Variants in ARHGAP45 observed in about 807,000 individuals in gnomAD.
The protein encoded by ARHGAP45 is Rho GTPase activating protein 45, also known as rho GTPase-activating protein 45.
Under a neutral mutation model 116.1 loss-of-function variants are expected in ARHGAP45, and 56 were observed. The observed-to-expected ratio is 0.48, with a 90% CI of 0.39 to 0.60. The LOEUF is 0.60. ARHGAP45 is among the 20% of genes least tolerant of loss of function. The pLI is 0.00. For missense variants in ARHGAP45, 1,622 were observed against 1,601.0 expected (o/e 1.01, Z -0.22); for synonymous variants, 866 against 701.7 (o/e 1.23, Z -3.70).
intron 19 of ARHGAP45, chr19:1,082,584 T>G (rs2043472072): frequency 2.0e-6 from 1 of 503,092 alleles, no homozygotes; most frequent in Admixed American, 3.9e-5. Flanking sequence ...GAGCCGGAGC[T>G]CGTTAGGGTA....
Position 1,083,079 on chromosome 19 carries a change from A to G in ARHGAP45, c.2744+13A>G, listed in dbSNP as rs751506691. On this transcript the variant is annotated intron_variant, in intron 20 of 22. Coordinates refer to ENST00000313093, the MANE Select transcript of ARHGAP45 (RefSeq NM_012292.5). The stretch of plus-strand genomic sequence containing the variant: ...GTCACCTACGCAGGTGAGTCCCGGC[A>G]TATGGAGTGGAGGGCGCGGGGTCCC... The G allele has an allele frequency of 3.2e-6, 5 of 1,558,284 alleles. No individual in the cohort carries two copies. The East Asian group carries it at 9.4e-5, about 29-fold the overall frequency.
At chr19:1,076,682 A>G (rs138537907) in intron 10 of ARHGAP45, among the ~76,000 whole-genome samples, 17,816 of 151,424 alleles carry the variant, frequency 0.12, 1,209 homozygotes, top group African/African-American at 0.19. Flanking sequence ...TTTTTAGTAG[A>G]GATGGGGTTT....
At chr19:1,080,629 T>C in intron 15 of ARHGAP45, 53 bp from the exon 16 acceptor site, 2 of 1,606,478 alleles carry the variant, frequency 1.2e-6, no homozygotes, top group Non-Finnish European at 1.7e-6. Context: ...ACCGGGGTGA[T>C]GGAGGGGGCC....
In ARHGAP45 at chr19:1,073,968, A is replaced by C; in HGVS notation, c.744A>C (p.Gly248=). Residue 248 remains glycine (G), a synonymous_variant, in exon 6 of 23, where the codon GGA becomes GGC. Coordinates refer to ENST00000313093, the MANE Select transcript of ARHGAP45 (RefSeq NM_012292.5). ...DSSQSMESLY[G]PGSEGTPPSL... is the part of the protein sequence containing the mutation. ...TACAGTCCATGGAAAGCCTGTATGG[A>C]CCGGGCAGTGAGGGCACGCCTCCCA... The C allele has an allele frequency of 6.3e-7, 1 of 1,585,022 alleles. No homozygotes were observed. The highest frequency in any genetic ancestry group is 8.6e-7 in the Non-Finnish European group (1 of 1,166,510).
Position 1,071,983 on chromosome 19 carries a change from C to T in ARHGAP45, c.422-1166C>T, listed in dbSNP as rs572658092. ...TTTCCACTACGTGGTGTGTGCCTGG[C>T]TCTCGATGTTTCGCCTGTACTCTCT... On this transcript the variant is annotated intron_variant, in intron 2 of 22. Transcript: ENST00000313093. The surrounding 1 kb of genome is among the most constrained non-coding windows in gnomAD (Gnocchi z 4.6). 5.3e-5 allele frequency among the ~76,000 whole-genome samples: 8 copies of T among 152,258 alleles called. No homozygotes were observed. The highest frequency in any genetic ancestry group is 1.9e-4 in the African/African-American group (8 of 41,540).
At position 1,074,893 on chromosome 19, in the gene ARHGAP45, G is replaced by A. The variant is rs1262315392; in HGVS notation, c.1185+14G>A. The A allele has an allele frequency of 2.1e-6, 3 of 1,446,824 alleles. No homozygotes were observed. The highest frequency in any genetic ancestry group is 1.3e-5 in the South Asian group (1 of 76,700). The allele number at this position is 1,446,824 out of a possible 1,614,324, so 89.6% of individuals were successfully genotyped here. On this transcript the variant is annotated intron_variant, in intron 10 of 22. Transcript: ENST00000313093. ...CAGAGGAAGCTGGTGAGGCGGGCGG[G>A]CGGGGGCGGGCGGGGGCGGGCAGCG...
At chr19:1,078,902 C>G (rs542778311) in intron 11 of ARHGAP45, among the ~76,000 whole-genome samples, 1 of 149,342 alleles carries the variant, frequency 6.7e-6, no homozygotes, top group Non-Finnish European at 1.5e-5. Context: ...AATTCTTGGC[C>G]GGGCGCAGTG....
At chr19:1,066,388 G>C, upstream of ARHGAP45, 1 of 572,916 alleles carries the variant, frequency 1.7e-6, no homozygotes, top group South Asian at 2.0e-5. Flanking sequence ...CCTGCGTCCT[G>C]CTGCCCAGCA....
chr19:1,080,948 C>T lies in ARHGAP45; in HGVS notation c.2074C>T (p.Arg692Cys), dbSNP rs1390727589. 1.9e-6 allele frequency: 3 copies of T among 1,609,628 alleles called. No individual in the cohort carries two copies. Among genetic ancestry groups the T allele is most frequent in the Non-Finnish European group, 2.5e-6 (3 of 1,178,608 alleles). ...GGTGGCCGTGCCCAGTGGACCGTTC[C>T]GCCACGAGGGGCTGTCCAAGGCGGC... ...LPVAVPSGPFRHEGLSKAART... is the reference protein window; with the variant it reads ...LPVAVPSGPFCHEGLSKAART... Residue 692 changes from arginine to cysteine, a missense_variant, in exon 17 of 23, where the codon CGC (arginine) becomes TGC (cysteine). Arg to Cys is a radical substitution (Grantham distance 180). Coordinates refer to ENST00000313093, the MANE Select transcript of ARHGAP45 (RefSeq NM_012292.5).
intron 10 of ARHGAP45, among the ~76,000 whole-genome samples, chr19:1,076,478 G>A (rs1257745435): frequency 1.6e-5 from 2 of 124,554 alleles, no homozygotes; most frequent in South Asian, 2.8e-4. Context: ...ATTGTTGGCA[G>A]TAGTCTTTTT....
Position 1,083,149 on chromosome 19 carries a change from G to T in ARHGAP45, c.2751G>T (p.Val917=). 1 of 1,608,006 alleles carries T rather than the reference G, an allele frequency of 6.2e-7. No homozygotes were observed. The change falls in exon 21 of 23, where the codon GTG becomes GTT. Residue 917 remains valine, a synonymous_variant. Coordinates refer to ENST00000313093, the MANE Select transcript of ARHGAP45 (RefSeq NM_012292.5). ...GCCCCTGCCCACCCCGCAGGATCGT[G>T]GAGGTGGAGCAGGACAACAAGATGA... ...QYLLRHLRRI[V]EVEQDNKMTP...
chr19:1,080,243 T>G lies in ARHGAP45; in HGVS notation c.1704-12T>G. 2.5e-6 allele frequency: 4 copies of G among 1,612,376 alleles called. No homozygotes were observed. The highest frequency in any genetic ancestry group is 3.4e-6 in the Non-Finnish European group (4 of 1,179,754). Reference sequence around the variant, plus strand: ...CATCACCTCCCCTCCTTTTCCCGGTTTCTTCCACTAGGTCCCCCGTCATGC... The same window carrying G: ...CATCACCTCCCCTCCTTTTCCCGGTGTCTTCCACTAGGTCCCCCGTCATGC... On this transcript the variant is annotated splice_polypyrimidine_tract_variant and intron_variant, in intron 13 of 22. Transcript: ENST00000313093.
Position 1,085,725 on chromosome 19 carries a change from T to C in ARHGAP45, c.3130T>C (p.Ser1044Pro). Residue 1044 changes from serine (S) to proline (P), a missense_variant, in exon 23 of 23, where the codon TCG becomes CCG. Ser to Pro is a moderately conservative substitution (Grantham distance 74, BLOSUM62 -1). Around this residue, in one of 3 missense-constraint regions of ARHGAP45, gnomAD observed 1,334 missense variants for 1,263.8 expected, o/e 1.06. Coordinates refer to ENST00000313093, the MANE Select transcript of ARHGAP45 (RefSeq NM_012292.5). ...LEEASELLSS[S>P]EASALGHLSF... ...GGAGGCCTCCGAGCTGCTGTCCTCA[T>C]CGGAGGCCAGTGCCCTGGGCCACCT... is the stretch of plus-strand genomic sequence containing the variant. The C allele has an allele frequency of 6.2e-7, 1 of 1,611,134 alleles. No homozygotes were observed. Among genetic ancestry groups the C allele is most frequent in the East Asian group, 2.2e-5 (1 of 44,814 alleles).
At chr19:1,066,307 T>G, upstream of ARHGAP45, 2 of 775,740 alleles carry the variant, frequency 2.6e-6, no homozygotes, top group Non-Finnish European at 4.0e-6. Flanking sequence ...GGTAGGAGGC[T>G]GGGATCTGTA....
rs545903473 is a variant in ARHGAP45, at chr19:1,077,332, C to T, written c.1186-525C>T. ...GGCTGCAGAGTGGGCACACAGGACA[C>T]CCATTTCTCCGAGTGTCCTGTTACG... On this transcript the variant is annotated intron_variant, in intron 10 of 22. Transcript: ENST00000313093. The T allele has an allele frequency of 7.0e-5, 69 of 985,152 alleles. No individual in the cohort carries two copies. The African/African-American group carries it at 1.2e-3, about 17-fold the overall frequency. The allele number at this position is 985,152 out of a possible 1,614,324, so 61.0% of individuals were successfully genotyped here. A position where few individuals can be genotyped will look rare whatever the true frequency, so the allele number is the denominator to read the frequency against.
chr19:1,083,463 T>G (rs954557279), intron 21 of ARHGAP45, 110 bp downstream of exon 21: 10 of 1,050,064 alleles, frequency 9.5e-6, no homozygotes, highest in Non-Finnish European at 1.4e-5. Context: ...GGGAGATAAT[T>G]TGGTTTGGAC....
At chr19:1,066,240 C>A, upstream of ARHGAP45, 1 of 1,071,064 alleles carries the variant, frequency 9.3e-7, no homozygotes, top group Non-Finnish European at 1.2e-6. Context: ...AAGGGGACAG[C>A]AGGGAGACTT....
intron 10 of ARHGAP45, among the ~76,000 whole-genome samples, chr19:1,076,252 C>T (rs1476446168): frequency 2.0e-5 from 3 of 152,140 alleles, no homozygotes; most frequent in Admixed American, 1.3e-4. Flanking sequence ...TTTTCCTCTT[C>T]TGTGAACCCT....
Position 1,083,224 on chromosome 19 carries a change from G to T in ARHGAP45, c.2826G>T (p.Arg942=). 6.2e-7 allele frequency: 1 copy of T among 1,608,426 alleles called. No homozygotes were observed. The highest frequency in any genetic ancestry group is 8.5e-7 in the Non-Finnish European group (1 of 1,178,078). Reference sequence around the variant, plus strand: ...TCGGGCCCACGCTGCTTCGGCCACGGCCCACCGAGGCCACCGTGTCCCTCT... The same window carrying T: ...TCGGGCCCACGCTGCTTCGGCCACGTCCCACCGAGGCCACCGTGTCCCTCT... ...IVFGPTLLRP[R]PTEATVSLSS... Residue 942 remains arginine, a synonymous_variant, in exon 21 of 23, where the codon CGG becomes CGT. Coordinates refer to ENST00000313093, the MANE Select transcript of ARHGAP45 (RefSeq NM_012292.5).
Sources: gnomAD v4.1 joint callset for allele counts (sites outside exome capture counted in the v4.1 genomes callset) on GRCh38, gnomAD v4.1.1 for gene constraint, gnomAD v4.1.1 regional missense constraint, Gnocchi (gnomAD v3.1) non-coding constraint, MANE v1.5 for transcripts, NCBI Gene and HGNC (gene_info 2026-07-23, HGNC 2026-07-21) for gene names.